ERMP1: variants seen among roughly 807,000 people sequenced by gnomAD.
ERMP1 encodes endoplasmic reticulum metallopeptidase 1.
Under a neutral mutation model 92.0 loss-of-function variants are expected in ERMP1, and 86 were observed. That is an observed-to-expected ratio of 0.93 (90% CI 0.79 to 1.12). ERMP1 has a LOEUF of 1.12. Ranked by LOEUF, ERMP1 falls within the 50% of genes most tolerant of loss-of-function variation. The pLI is 0.00. For missense variants in ERMP1, 1,342 were observed against 1,116.3 expected (o/e 1.20, Z -2.88); for synonymous variants, 530 against 412.8 (o/e 1.28, Z -3.44).
intron 13 of ERMP1, among the ~76,000 whole-genome samples, chr9:5,795,719 C>T (rs1586770764): frequency 6.6e-6 from 1 of 151,400 alleles, no homozygotes; most frequent in South Asian, 2.1e-4. Flanking sequence ...CAGAGGTTGC[C>T]GTGAGCCGAG....
chr9:5,825,091 C>T lies in ERMP1; in HGVS notation c.768+1G>A, dbSNP rs1244160512. 3 of 1,613,488 alleles carry T rather than the reference C, an allele frequency of 1.9e-6. No homozygotes were observed. Among genetic ancestry groups the T allele is most frequent in the Non-Finnish European group, 2.5e-6 (3 of 1,179,642 alleles). Reference sequence around the variant, plus strand: ...TGATATTTAAAACAGTAAAATCTCACTTGCAAGACATTTTCCTCAGCACCA... The same window carrying T: ...TGATATTTAAAACAGTAAAATCTCATTTGCAAGACATTTTCCTCAGCACCA... On this transcript the variant is annotated splice_donor_variant, in intron 3 of 14. Transcript: ENST00000339450. LOFTEE classifies it high-confidence loss of function.
At chr9:5,797,180 G>A (rs1828463034) in intron 13 of ERMP1, among the ~76,000 whole-genome samples, 1 of 151,784 alleles carries the variant, frequency 6.6e-6, no homozygotes, top group Non-Finnish European at 1.5e-5. Context: ...AAGACTACAG[G>A]CATGCACCAA....
chr9:5,795,822 C>CAA (rs1828403096), intron 13 of ERMP1, among the ~76,000 whole-genome samples: 4 of 151,702 alleles, frequency 2.6e-5, no homozygotes, highest in Non-Finnish European at 4.4e-5. Context: ...AAGAATAAAC[C>CAA]AAACAAAAAC....
At chr9:5,844,810 T>C (rs1282444634) in intron 6 of ERMP1, among the ~76,000 whole-genome samples, 1 of 152,182 alleles carries the variant, frequency 6.6e-6, no homozygotes, top group Non-Finnish European at 1.5e-5. Context: ...ACAGTCAAGT[T>C]TTCTGGTTGT....
chr9:5,852,571 T>C (rs1830323222), intron 6 of ERMP1, among the ~76,000 whole-genome samples: 1 of 152,020 alleles, frequency 6.6e-6, no homozygotes, highest in Non-Finnish European at 1.5e-5. Context: ...AGCAGAATTT[T>C]TTATGTGCTC....
intron 13 of ERMP1, among the ~76,000 whole-genome samples, chr9:5,788,699 T>TG (rs1348906163): frequency 6.6e-6 from 1 of 151,802 alleles, no homozygotes; most frequent in Non-Finnish European, 1.5e-5. Flanking sequence ...AAATTCCTCT[T>TG]GGAAAAAAAA....
rs776183114 is a variant in ERMP1, at chr9:5,830,958, C to G, written c.409G>C (p.Val137Leu). 1 of 1,613,928 alleles carries G rather than the reference C, an allele frequency of 6.2e-7. No homozygotes were observed. The highest frequency in any genetic ancestry group is 8.5e-7 in the Non-Finnish European group (1 of 1,179,838). Reference protein sequence around the residue: ...TGSPENEILTVHYLLEQIKLI... With the variant: ...TGSPENEILTLHYLLEQIKLI... ...TTAATCTGTTCCAAAAGGTAGTGCA[C>G]GGTCAGAATTTCATTTTCTGGACTT... is the stretch of plus-strand genomic sequence containing the variant. Residue 137 changes from valine to leucine, a missense_variant, in exon 2 of 15, where the codon GTG (valine) becomes CTG (leucine). Coordinates refer to ENST00000339450, the MANE Select transcript of ERMP1 (RefSeq NM_024896.3).
chr9:5,825,606 T>C (rs972896149), intron 2 of ERMP1, among the ~76,000 whole-genome samples: 1 of 152,256 alleles, frequency 6.6e-6, no homozygotes, highest in Non-Finnish European at 1.5e-5. Context: ...CTTCTGGTGC[T>C]CACAGCTTCC....
rs751766542 is a variant in ERMP1 at position 5,809,962 on chromosome 9, A to C, written c.1548+49T>G. On this transcript the variant is annotated intron_variant, in intron 8 of 14. Transcript: ENST00000339450. ...ATGAATCACACTTAAGTTCATCTTC[A>C]GTCCCTGGAGGCAACAGAAAGAAAT... 23 of 1,280,476 alleles carry C rather than the reference A, an allele frequency of 1.8e-5. 1 individual carries two copies. Among genetic ancestry groups the C allele is most frequent in the Middle Eastern group, 3.8e-4 (2 of 5,316 alleles). The allele number at this position is 1,280,476 out of a possible 1,614,324, so 79.3% of individuals were successfully genotyped here.
At chr9:5,827,752 G>A (rs1439578385) in intron 2 of ERMP1, among the ~76,000 whole-genome samples, 1 of 152,104 alleles carries the variant, frequency 6.6e-6, no homozygotes, top group Admixed American at 6.5e-5. Context: ...GGGAGGCGGA[G>A]GTTGCAGTGA....
chr9:5,849,993 T>C (rs1229792082), intron 6 of ERMP1, among the ~76,000 whole-genome samples: 1 of 152,182 alleles, frequency 6.6e-6, no homozygotes, highest in African/African-American at 2.4e-5. Context: ...ATCGTGGCCT[T>C]GCAGTGTAGG....
At chr9:5,829,487 G>C (rs1469640082) in intron 2 of ERMP1, among the ~76,000 whole-genome samples, 1 of 152,098 alleles carries the variant, frequency 6.6e-6, no homozygotes, top group Non-Finnish European at 1.5e-5. Flanking sequence ...TATTACATAA[G>C]AGTTAATAAA....
In ERMP1 at chr9:5,798,590, T is replaced by C. The variant is rs536280320; in HGVS notation, c.2270+216A>G. Among the ~76,000 whole-genome samples the C allele has an allele frequency of 4.6e-4, 70 of 151,950 alleles. 1 individual carries two copies. Among genetic ancestry groups the C allele is most frequent in the Middle Eastern group, 3.4e-3 (1 of 294 alleles). Reference sequence around the variant, plus strand: ...CACCTTTTCTAACCACTCAGGTTTCTAGAGAAAAGATTTTTAAAATTTGAA... The same window carrying C: ...CACCTTTTCTAACCACTCAGGTTTCCAGAGAAAAGATTTTTAAAATTTGAA... On this transcript the variant is annotated intron_variant, in intron 12 of 14. Transcript: ENST00000339450.
intron 5 of ERMP1, among the ~76,000 whole-genome samples, chr9:5,865,923 AAGTT>A (rs1463186523): frequency 1.3e-5 from 2 of 151,806 alleles, no homozygotes; most frequent in Non-Finnish European, 2.9e-5. Context: ...ATACAGCTAA[AAGTT>A]AGCAGGGTTT....
chr9:5,859,305 C>T (rs1397985176), intron 6 of ERMP1, among the ~76,000 whole-genome samples: 1 of 145,480 alleles, frequency 6.9e-6, no homozygotes, highest in Non-Finnish European at 1.5e-5. Context: ...TTGGGAGTGA[C>T]TTGTTCTTTT....
chr9:5,818,047 T>G (rs1365999071), intron 4 of ERMP1, among the ~76,000 whole-genome samples: 3 of 152,208 alleles, frequency 2.0e-5, no homozygotes, highest in African/African-American at 7.2e-5. Flanking sequence ...TCTATCGATT[T>G]TGGTGGATCT....
At chr9:5,816,898 C>CTT (rs1158837649) in intron 4 of ERMP1, among the ~76,000 whole-genome samples, 28 of 135,152 alleles carry the variant, frequency 2.1e-4, no homozygotes, top group Non-Finnish European at 4.0e-4. Context: ...AGAGCCTATG[C>CTT]TTTTTTTTTT....
chr9:5,847,824 G>A (rs1384302687), intron 6 of ERMP1, among the ~76,000 whole-genome samples: 1 of 151,796 alleles, frequency 6.6e-6, no homozygotes, highest in East Asian at 1.9e-4. Flanking sequence ...GAACCCAGGA[G>A]GCGGAGCTTG....
At position 5,832,732 on chromosome 9, in the gene ERMP1, C is replaced by G. The variant is rs1296935295; in HGVS notation, c.296G>C (p.Gly99Ala). ...QLSLQQLVLR[G>A]AAGHRGEFDA... Reference sequence around the variant, plus strand: ...GAACTCCCCGCGGTGTCCAGCGGCCCCGCGTAGCACGAGCTGCTGCAGCGA... The same window carrying G: ...GAACTCCCCGCGGTGTCCAGCGGCCGCGCGTAGCACGAGCTGCTGCAGCGA... Residue 99 changes from glycine to alanine, a missense_variant, in exon 1 of 15, where the codon GGG becomes GCG. Physicochemically the swap from Gly to Ala is moderately conservative, Grantham distance 60 (BLOSUM62 0). Coordinates refer to ENST00000339450, the MANE Select transcript of ERMP1 (RefSeq NM_024896.3). 6.7e-7 allele frequency: 1 copy of G among 1,495,274 alleles called. No homozygotes were observed. The highest frequency in any genetic ancestry group is 1.5e-5 in the African/African-American group (1 of 68,840). The allele number at this position is 1,495,274 out of a possible 1,614,324, so 92.6% of individuals were successfully genotyped here.
Sources: gnomAD v4.1 joint callset for allele counts (sites outside exome capture counted in the v4.1 genomes callset) on GRCh38, gnomAD v4.1.1 for gene constraint, MANE v1.5 for transcripts, NCBI Gene and HGNC (gene_info 2026-07-23, HGNC 2026-07-21) for gene names.